VWA3B: variants seen among roughly 807,000 people sequenced by gnomAD.
The protein encoded by VWA3B is von Willebrand factor A domain containing 3B.
In VWA3B, 138 loss-of-function variants were observed where a neutral mutation model predicts 158.3. That is an observed-to-expected ratio of 0.87 (90% CI 0.76 to 1.00). The LOEUF (loss-of-function observed/expected upper bound fraction) is 1.00. VWA3B is among the 50% of genes least tolerant of loss of function. The pLI is 0.00. For missense variants in VWA3B, 1,555 were observed against 1,565.1 expected (o/e 0.99, Z 0.11); for synonymous variants, 596 against 587.3 (o/e 1.01, Z -0.21).
At position 98,095,960 on chromosome 2, in the gene VWA3B, A is replaced by G. The variant is rs192161491; in HGVS notation, c.196+2672A>G. Among the ~76,000 whole-genome samples, 4 of 152,326 alleles carry G rather than the reference A, an allele frequency of 2.6e-5. No individual in the cohort carries two copies. In the East Asian group the frequency reaches 7.7e-4, roughly 29 times the overall value. ...TATGTTGAACCATCCTTGCATTTCT[A>G]GGATGAATCCCACTTGATAATGGTG... On this transcript the variant is annotated intron_variant, in intron 2 of 27. Transcript: ENST00000477737.
chr2:98,166,488 TG>T (rs1679083768), intron 8 of VWA3B, among the ~76,000 whole-genome samples: 1 of 152,148 alleles, frequency 6.6e-6, no homozygotes, highest in Non-Finnish European at 1.5e-5. Context: ...GGAAAGGTCG[TG>T]TGCAGCACAG....
chr2:98,312,647 A>G lies in VWA3B; in HGVS notation c.*298A>G. On this transcript the variant is annotated 3_prime_UTR_variant, in exon 28 of 28. Transcript: ENST00000477737. ...ACCCCCAGAAGTTTTAACCTGAAGGATGACTGTCACAGGACTTTCAAATTG... is the reference window on the plus strand; with the variant it reads ...ACCCCCAGAAGTTTTAACCTGAAGGGTGACTGTCACAGGACTTTCAAATTG... The G allele has an allele frequency of 3.0e-6, 1 of 329,068 alleles. No homozygotes were observed. The allele number at this position is 329,068 out of a possible 1,614,324, so 20.4% of individuals were successfully genotyped here.
intron 23 of VWA3B, among the ~76,000 whole-genome samples, chr2:98,292,697 G>C (rs1574293143): frequency 6.6e-6 from 1 of 152,096 alleles, no homozygotes; most frequent in African/African-American, 2.4e-5. Flanking sequence ...AGGTGCGGTG[G>C]CTCACACCTG....
At chr2:98,212,092 G>A in intron 13 of VWA3B, 64 bp downstream of exon 13, 1 of 1,468,012 alleles carries the variant, frequency 6.8e-7, no homozygotes. Flanking sequence ...TGCTGGAAAT[G>A]GGTCTGGGGG....
intron 26 of VWA3B, 67 bp downstream of exon 26, chr2:98,303,869 A>AGAT (rs1690351632): frequency 1.3e-6 from 2 of 1,483,038 alleles, no homozygotes; most frequent in African/African-American, 2.8e-5. Context: ...TCTGTTTTTG[A>AGAT]GATGAGATCC....
At chr2:98,234,625 T>G in intron 16 of VWA3B, 23 bp from the exon 17 acceptor site, 1 of 1,614,046 alleles carries the variant, frequency 6.2e-7, no homozygotes, top group Non-Finnish European at 8.5e-7. Context: ...TTCCTTTAAC[T>G]CTTCCCTCTG....
intron 23 of VWA3B, chr2:98,290,824 G>A: frequency 2.1e-6 from 1 of 476,444 alleles, no homozygotes; most frequent in Admixed American, 4.3e-5. Context: ...AAAGTAGCCA[G>A]AAAAATGCAC....
intron 6 of VWA3B, among the ~76,000 whole-genome samples, 157 bp downstream of exon 6, chr2:98,128,565 G>C (rs975477381): frequency 6.6e-6 from 1 of 152,070 alleles, no homozygotes; most frequent in Non-Finnish European, 1.5e-5. Context: ...TTTCTTCTCC[G>C]TCTTGTATTA....
chr2:98,237,862 T>G (rs536677036), intron 19 of VWA3B, among the ~76,000 whole-genome samples: 6 of 152,228 alleles, frequency 3.9e-5, no homozygotes, highest in Non-Finnish European at 8.8e-5. Flanking sequence ...TTATTGTAAT[T>G]GGGGTGGTGG....
intron 19 of VWA3B, among the ~76,000 whole-genome samples, chr2:98,244,285 T>C (rs1686254005): frequency 6.6e-6 from 1 of 152,186 alleles, no homozygotes; most frequent in South Asian, 2.1e-4. Context: ...TTTTGAAGAA[T>C]CCTCATTTTC....
chr2:98,090,336 T>G (rs1293298031), intron 1 of VWA3B, among the ~76,000 whole-genome samples: 2 of 152,188 alleles, frequency 1.3e-5, no homozygotes, highest in Non-Finnish European at 2.9e-5. Context: ...GTGCTTGGGA[T>G]GAAAGTGGGT....
intron 22 of VWA3B, among the ~76,000 whole-genome samples, chr2:98,280,991 T>C (rs1688845510): frequency 6.6e-6 from 1 of 152,164 alleles, no homozygotes; most frequent in South Asian, 2.1e-4. Context: ...TTGCCTTCTG[T>C]TAAAGTGCAA....
chr2:98,286,589 A>G (rs1400749784), intron 22 of VWA3B, among the ~76,000 whole-genome samples: 1 of 152,118 alleles, frequency 6.6e-6, no homozygotes, highest in African/African-American at 2.4e-5. Context: ...TTCTATTAAT[A>G]TGGGTGTTAA....
intron 21 of VWA3B, among the ~76,000 whole-genome samples, chr2:98,268,680 T>A (rs1057488576): frequency 5.4e-5 from 4 of 73,900 alleles, no homozygotes; most frequent in Admixed American, 1.7e-4. Context: ...TCTCCATTCC[T>A]TTTTTTTTTT....
intron 10 of VWA3B, among the ~76,000 whole-genome samples, chr2:98,190,004 C>T (rs1254369426): frequency 2.0e-5 from 3 of 152,064 alleles, no homozygotes; most frequent in Admixed American, 6.5e-5. Context: ...TTAATCCAAC[C>T]TAACAATCTT....
intron 7 of VWA3B, among the ~76,000 whole-genome samples, chr2:98,142,993 A>T (rs1676897694): frequency 6.6e-6 from 1 of 152,154 alleles, no homozygotes; most frequent in African/African-American, 2.4e-5. Flanking sequence ...TTAAATTTAG[A>T]GGATAAATCA....
At chr2:98,133,138 T>C (rs1356481224) in intron 6 of VWA3B, among the ~76,000 whole-genome samples, 1 of 152,214 alleles carries the variant, frequency 6.6e-6, no homozygotes, top group African/African-American at 2.4e-5. Context: ...ATCAGTGCTT[T>C]CAAACTTTCA....
At chr2:98,213,945 C>G (rs1683756813) in intron 13 of VWA3B, among the ~76,000 whole-genome samples, 1 of 152,100 alleles carries the variant, frequency 6.6e-6, no homozygotes, top group Admixed American at 6.5e-5. Context: ...AATCTCAACA[C>G]TTTGGTAGGC....
chr2:98,159,398 G>C (rs1423161616), intron 7 of VWA3B, among the ~76,000 whole-genome samples: 2 of 152,016 alleles, frequency 1.3e-5, no homozygotes, highest in Non-Finnish European at 2.9e-5. Context: ...ACAGGCACCT[G>C]CCACCACACC....
Sources: allele counts gnomAD v4.1 joint callset (sites outside exome capture counted in the v4.1 genomes callset), GRCh38; gene constraint gnomAD v4.1.1; transcripts MANE v1.5; gene names NCBI Gene and HGNC (gene_info 2026-07-23, HGNC 2026-07-21).